FRMD4A: variants seen among roughly 807,000 people sequenced by gnomAD.
The protein encoded by FRMD4A is FERM domain containing 4A, also known as FERM domain-containing protein 4A.
In FRMD4A, 29 loss-of-function variants were observed where a neutral mutation model predicts 129.1. The ratio of observed to expected loss-of-function variants is 0.22; its 90% CI spans 0.17 to 0.31. The LOEUF is 0.31. FRMD4A is among the 10% of genes least tolerant of loss of function. The pLI, the probability that FRMD4A is intolerant of heterozygous loss-of-function variation, is 1.00. For missense variants in FRMD4A, 1,272 were observed against 1,375.8 expected, an observed-to-expected ratio of 0.92 and a Z score of 1.19; for synonymous variants, 634 against 571.6, an observed-to-expected ratio of 1.11 and a Z score of -1.56.
chr10:14,283,237 T>C (rs925989287), intron 2 of FRMD4A, among the ~76,000 whole-genome samples: 3 of 152,228 alleles, frequency 2.0e-5, no homozygotes, highest in South Asian at 4.1e-4. Context: ...TTTGGATTCC[T>C]TGTAGAAGCT....
intron 2 of FRMD4A, among the ~76,000 whole-genome samples, chr10:13,968,338 C>T (rs953967567): frequency 6.6e-6 from 1 of 152,234 alleles, no homozygotes; most frequent in African/African-American, 2.4e-5. Context: ...TAAATAAATA[C>T]ACTCAAGATG....
intron 5 of FRMD4A, among the ~76,000 whole-genome samples, chr10:13,789,565 C>CACACAT (rs1554898492): frequency 2.0e-5 from 3 of 148,498 alleles, no homozygotes; most frequent in African/African-American, 7.8e-5. Flanking sequence ...AGACCACACA[C>CACACAT]ACACACACAC....
At chr10:14,260,204 CAGCTTACAA>C (rs1480041764) in intron 2 of FRMD4A, among the ~76,000 whole-genome samples, 1 of 152,152 alleles carries the variant, frequency 6.6e-6, no homozygotes, top group Non-Finnish European at 1.5e-5. Context: ...TGCCATGATC[CAGCTTACAA>C]CCGCTGCATT....
At chr10:14,172,359 T>C (rs1341052419) in intron 2 of FRMD4A, among the ~76,000 whole-genome samples, 5 of 152,186 alleles carry the variant, frequency 3.3e-5, no homozygotes, top group African/African-American at 1.2e-4. Flanking sequence ...CAAGCCATGA[T>C]GTGAGTGATA....
At chr10:13,778,220 C>A (rs919944012) in intron 6 of FRMD4A, among the ~76,000 whole-genome samples, 4 of 151,778 alleles carry the variant, frequency 2.6e-5, no homozygotes, top group Non-Finnish European at 4.4e-5. Flanking sequence ...GGTTTCAAAG[C>A]GCTTTCACAT....
chr10:14,023,835 C>T (rs1832869817), intron 2 of FRMD4A, among the ~76,000 whole-genome samples: 1 of 152,174 alleles, frequency 6.6e-6, no homozygotes, highest in African/African-American at 2.4e-5. Context: ...AAATCACTTC[C>T]TGAGGAACTC....
intron 2 of FRMD4A, among the ~76,000 whole-genome samples, chr10:13,867,672 A>G (rs28702472): frequency 8.2e-6 from 1 of 122,300 alleles, no homozygotes; most frequent in East Asian, 2.1e-4. Flanking sequence ...ATATAATATA[A>G]TATATAATAA....
At chr10:13,709,348 C>T (rs1398564002) in intron 12 of FRMD4A, among the ~76,000 whole-genome samples, 3 of 152,116 alleles carry the variant, frequency 2.0e-5, no homozygotes, top group African/African-American at 4.8e-5. Context: ...CAAAAATAAC[C>T]CCTCTAAGGT....
intron 2 of FRMD4A, among the ~76,000 whole-genome samples, chr10:14,272,616 G>T (rs1274982370): frequency 1.3e-5 from 2 of 152,196 alleles, no homozygotes; most frequent in Non-Finnish European, 2.9e-5. Context: ...TATAAGAAAA[G>T]AGGTTTAACT....
intron 2 of FRMD4A, among the ~76,000 whole-genome samples, chr10:14,261,987 C>CACACACACACACACACACA: frequency 6.8e-6 from 1 of 146,100 alleles, no homozygotes; most frequent in Non-Finnish European, 1.5e-5. Context: ...CACACACACA[C>CACACACACACACACACACA]CTCATTTTCC....
At chr10:14,034,223 G>A (rs184352502) in intron 2 of FRMD4A, among the ~76,000 whole-genome samples, 12 of 152,254 alleles carry the variant, frequency 7.9e-5, no homozygotes, top group African/African-American at 2.4e-4. Context: ...TTGTTGCATT[G>A]TGCATATCCT....
intron 2 of FRMD4A, among the ~76,000 whole-genome samples, chr10:13,874,699 T>C (rs2094472164): frequency 2.0e-5 from 3 of 152,288 alleles, no homozygotes; most frequent in Non-Finnish European, 2.9e-5. Flanking sequence ...AAAGTCCAGA[T>C]CCTTGGACTC....
chr10:13,685,559 T>C (rs2084993039), intron 15 of FRMD4A: 1 of 985,102 alleles, frequency 1.0e-6, no homozygotes, highest in African/African-American at 1.7e-5. Context: ...ACTGTGAATT[T>C]CAGTCATCCT....
intron 2 of FRMD4A, among the ~76,000 whole-genome samples, chr10:14,155,744 G>A (rs1840564554): frequency 6.6e-6 from 1 of 152,214 alleles, no homozygotes; most frequent in Admixed American, 6.5e-5. Flanking sequence ...AGGAAAGAGT[G>A]AGAGTGGTTG....
At chr10:14,318,348 C>A (rs1184591624) in intron 2 of FRMD4A, among the ~76,000 whole-genome samples, 1 of 141,628 alleles carries the variant, frequency 7.1e-6, no homozygotes, top group South Asian at 2.4e-4. Flanking sequence ...TTTACCTTGA[C>A]ACATGGGCAA....
chr10:14,178,544 G>T (rs928785024), intron 2 of FRMD4A, among the ~76,000 whole-genome samples: 3 of 152,126 alleles, frequency 2.0e-5, no homozygotes, highest in African/African-American at 7.2e-5. Context: ...AATTGTTGCA[G>T]GGTGAAGGGG....
chr10:13,773,338 C>T (rs533530009), intron 6 of FRMD4A, among the ~76,000 whole-genome samples: 35 of 152,282 alleles, frequency 2.3e-4, no homozygotes, highest in African/African-American at 7.7e-4. Flanking sequence ...GCTTGCAAAC[C>T]GGTACTGCCA....
rs200093883 is a variant in FRMD4A, at chr10:13,884,240, A to ACCCC, written c.46-25329_46-25328insGGGG. Reference sequence around the variant, plus strand: ...CACACACACACACACACACACACACACTCCCTAAAAGGCATCCTGTATATT... The same window carrying ACCCC: ...CACACACACACACACACACACACACACCCCCTCCCTAAAAGGCATCCTGTATATT... On this transcript the variant is annotated intron_variant, in intron 2 of 24. Transcript: ENST00000357447. 8.3e-4 allele frequency among the ~76,000 whole-genome samples: 112 copies of ACCCC among 135,290 alleles called. 1 individual carries two copies. The highest frequency in any genetic ancestry group is 3.1e-3 in the East Asian group (12 of 3,874). 88.8% of individuals were successfully genotyped at this position (135,290 alleles called of 152,430 possible). A position where few individuals can be genotyped will look rare whatever the true frequency, so the allele number is the denominator to read the frequency against.
chr10:14,308,498 G>A (rs1480332900), intron 2 of FRMD4A, among the ~76,000 whole-genome samples: 1 of 152,040 alleles, frequency 6.6e-6, no homozygotes, highest in Non-Finnish European at 1.5e-5. Flanking sequence ...AAATTATGCA[G>A]GAGCAGATTG....
Sources: allele counts gnomAD v4.1 joint callset (sites outside exome capture counted in the v4.1 genomes callset), GRCh38; gene constraint gnomAD v4.1.1; transcripts MANE v1.5; gene names NCBI Gene and HGNC (gene_info 2026-07-23, HGNC 2026-07-21).